The following TAFA1 variants were observed in gnomAD, a reference collection of about 807,000 sequenced individuals.
TAFA1 encodes the protein chemokine-like protein TAFA-1.
Under a neutral mutation model 18.5 loss-of-function variants are expected in TAFA1, and 4 were observed. That is an observed-to-expected ratio of 0.22 (90% CI 0.11 to 0.49). TAFA1 has a LOEUF of 0.49. TAFA1 is among the 20% of genes least tolerant of loss of function. The pLI, the probability that TAFA1 is intolerant of heterozygous loss-of-function variation, is 0.98. For synonymous variants in TAFA1, 56 were observed against 55.2 expected (o/e 1.01, Z -0.06); for missense variants, 147 against 169.0 (o/e 0.87, Z 0.72).
rs75863597 is a variant in TAFA1, at chr3:68,339,816, G to C, written c.119-77464G>C. 0.011 allele frequency among the ~76,000 whole-genome samples: 1,601 copies of C among 152,272 alleles called. 81 individuals carry two copies. The East Asian group carries it at 0.16, about 16-fold the overall frequency. On this transcript the variant is annotated intron_variant, in intron 2 of 4. Coordinates refer to ENST00000478136, the MANE Select transcript of TAFA1 (RefSeq NM_213609.4). ...GTATGCTGGTAAACCATCTCTAAAA[G>C]AGAGGGGTGGAGGGGCTATGATTTG...
chr3:68,003,409 A>G (rs543410385), upstream of TAFA1, among the ~76,000 whole-genome samples: 54 of 152,358 alleles, frequency 3.5e-4, no homozygotes, highest in African/African-American at 1.3e-3. Context: ...AAGATTAGAC[A>G]GTATCATCTA....
intron 2 of TAFA1, among the ~76,000 whole-genome samples, chr3:68,007,439 C>T (rs867154088): frequency 1.1e-4 from 16 of 152,298 alleles, no homozygotes; most frequent in Middle Eastern, 3.4e-3. Flanking sequence ...GCTCTTCATT[C>T]TGGATTTTGC....
At chr3:68,252,910 C>G (rs1479739411) in intron 2 of TAFA1, among the ~76,000 whole-genome samples, 4 of 152,152 alleles carry the variant, frequency 2.6e-5, no homozygotes, top group Non-Finnish European at 1.5e-5. Flanking sequence ...GAATAAGTCT[C>G]ATGAGCTCTG....
chr3:68,243,272 CAG>C (rs2067024866), intron 2 of TAFA1, among the ~76,000 whole-genome samples: 1 of 152,042 alleles, frequency 6.6e-6, no homozygotes, highest in Non-Finnish European at 1.5e-5. Flanking sequence ...CAAGGAATAC[CAG>C]GAAACTGACA....
chr3:68,199,075 T>C (rs1023709418), intron 2 of TAFA1, among the ~76,000 whole-genome samples: 2 of 151,608 alleles, frequency 1.3e-5, no homozygotes, highest in Non-Finnish European at 3.0e-5. Context: ...CCTTGATTGA[T>C]TGATTTTGCA....
chr3:68,374,863 A>G (rs1474686262), intron 2 of TAFA1, among the ~76,000 whole-genome samples: 1 of 152,038 alleles, frequency 6.6e-6, no homozygotes, highest in Non-Finnish European at 1.5e-5. Flanking sequence ...CTTTATCTCT[A>G]TACATTCTTT....
chr3:68,029,937 T>C (rs1285852670), intron 2 of TAFA1, among the ~76,000 whole-genome samples: 3 of 152,136 alleles, frequency 2.0e-5, no homozygotes, highest in African/African-American at 4.8e-5. Context: ...TGGGCAAATA[T>C]ATCTGAAAAT....
chr3:68,467,949 G>T (rs980405289), intron 3 of TAFA1, among the ~76,000 whole-genome samples: 1 of 152,190 alleles, frequency 6.6e-6, no homozygotes, highest in Non-Finnish European at 1.5e-5. Flanking sequence ...AGATAAAGTT[G>T]TGAACATTAT....
chr3:68,362,419 A>G (rs1488848287), intron 2 of TAFA1, among the ~76,000 whole-genome samples: 1 of 152,164 alleles, frequency 6.6e-6, no homozygotes, highest in Non-Finnish European at 1.5e-5. Context: ...AGACGGAGAA[A>G]TGGTATCTTA....
chr3:68,416,839 G>A (rs1238327145), intron 2 of TAFA1, among the ~76,000 whole-genome samples: 1 of 152,186 alleles, frequency 6.6e-6, no homozygotes, highest in Non-Finnish European at 1.5e-5. Context: ...GGCAATGGAA[G>A]GAAGAGCTGA....
intron 3 of TAFA1, among the ~76,000 whole-genome samples, chr3:68,479,813 A>G (rs1486653755): frequency 2.0e-5 from 3 of 152,102 alleles, no homozygotes; most frequent in Non-Finnish European, 2.9e-5. Flanking sequence ...TGGATGGTTC[A>G]TAGGCCAGAA....
At chr3:68,255,671 T>A (rs13084707) in intron 2 of TAFA1, among the ~76,000 whole-genome samples, 13,163 of 152,124 alleles carry the variant, frequency 0.087, 694 homozygotes, top group Middle Eastern at 0.12. Flanking sequence ...GGGTTTTTTT[T>A]AATTTATTTG....
chr3:68,544,362 G>T (rs1340164268), intron 4 of TAFA1, 124 bp from the exon 5 acceptor site: 6 of 915,774 alleles, frequency 6.6e-6, no homozygotes, highest in South Asian at 1.6e-5. Context: ...TTTGACTTCA[G>T]ATCACCTGAA....
intron 2 of TAFA1, among the ~76,000 whole-genome samples, chr3:68,227,654 A>G (rs1225408814): frequency 6.6e-6 from 1 of 152,238 alleles, no homozygotes; most frequent in Non-Finnish European, 1.5e-5. Flanking sequence ...GATGGAAAAT[A>G]TAATGCTGAC....
intron 2 of TAFA1, among the ~76,000 whole-genome samples, chr3:68,042,704 C>T (rs868255415): frequency 1.2e-4 from 18 of 152,140 alleles, no homozygotes; most frequent in Non-Finnish European, 2.6e-4. Context: ...CCAACTATAG[C>T]TGTGCATAGT....
At chr3:68,407,835 G>A (rs924185178) in intron 2 of TAFA1, among the ~76,000 whole-genome samples, 7 of 151,980 alleles carry the variant, frequency 4.6e-5, no homozygotes, top group Admixed American at 1.3e-4. Flanking sequence ...ACCCGAGGAC[G>A]CTGGGAGAGA....
chr3:68,412,033 A>G (rs1007218048), intron 2 of TAFA1, among the ~76,000 whole-genome samples: 16 of 152,072 alleles, frequency 1.1e-4, no homozygotes, highest in Non-Finnish European at 1.8e-4. Flanking sequence ...TTGAGGCCAT[A>G]GTTCAACTTG....
chr3:68,172,944 A>G (rs1371335893), intron 2 of TAFA1, among the ~76,000 whole-genome samples: 1 of 152,150 alleles, frequency 6.6e-6, no homozygotes, highest in Non-Finnish European at 1.5e-5. Flanking sequence ...AAAATTACAT[A>G]TTAGAGATGG....
At chr3:68,128,780 C>T (rs912758571) in intron 2 of TAFA1, among the ~76,000 whole-genome samples, 1 of 152,166 alleles carries the variant, frequency 6.6e-6, no homozygotes, top group African/African-American at 2.4e-5. Flanking sequence ...TCTCTTATTA[C>T]TCAGGCTCAG....
Sources: allele counts gnomAD v4.1 joint callset (sites outside exome capture counted in the v4.1 genomes callset), GRCh38; gene constraint gnomAD v4.1.1; transcripts MANE v1.5; gene names NCBI Gene and HGNC (gene_info 2026-07-23, HGNC 2026-07-21).